Variants in SLC16A10 observed in about 807,000 individuals in gnomAD.
The protein encoded by SLC16A10 is monocarboxylate transporter 10.
A neutral mutation model predicts 40.0 loss-of-function variants in SLC16A10; 27 were observed. The observed-to-expected ratio is 0.67, with a 90% confidence interval of 0.50 to 0.93. The LOEUF is 0.93. SLC16A10 is among the 40% of genes least tolerant of loss of function. The probability of loss-of-function intolerance (pLI) is 0.00; values close to 1 mark genes in which losing one functional copy is unlikely to be tolerated. For missense variants in SLC16A10, 529 were observed against 658.2 expected, an observed-to-expected ratio of 0.80 and a Z score of 2.15; for synonymous variants, 213 against 249.8, an observed-to-expected ratio of 0.85 and a Z score of 1.39.
Position 111,204,085 on chromosome 6 carries a change from T to A in SLC16A10, c.943-2507T>A, listed in dbSNP as rs554146311. On this transcript the variant is annotated intron_variant, in intron 3 of 5. Transcript: ENST00000368851. The stretch of plus-strand genomic sequence containing the variant: ...GGAACATAGGTTAGAGGGGAGAGAT[T>A]TAGGAGTGAGGGCTCAAGCAAGAAG... Among the ~76,000 whole-genome samples, 8 of 152,096 alleles carry A rather than the reference T, an allele frequency of 5.3e-5. No individual in the cohort carries two copies. The South Asian group carries it at 1.2e-3, about 24-fold the overall frequency.
At chr6:111,221,260 G>A (rs977314854) in intron 5 of SLC16A10, among the ~76,000 whole-genome samples, 1 of 152,094 alleles carries the variant, frequency 6.6e-6, no homozygotes, top group African/African-American at 2.4e-5. Context: ...AGCAGAACCC[G>A]AATATAGAAT....
intron 3 of SLC16A10, among the ~76,000 whole-genome samples, chr6:111,182,084 C>T (rs1216018): frequency 0.7 from 106,808 of 151,756 alleles, 37,633 homozygotes; most frequent in South Asian, 0.76. Flanking sequence ...CTGCAACCTC[C>T]ACTTCCCGGA....
intron 1 of SLC16A10, among the ~76,000 whole-genome samples, chr6:111,118,011 T>C (rs1157853896): frequency 6.6e-6 from 1 of 152,204 alleles, no homozygotes; most frequent in African/African-American, 2.4e-5. Flanking sequence ...GTCATTATCA[T>C]GTTAAGTTAT....
intron 1 of SLC16A10, among the ~76,000 whole-genome samples, chr6:111,127,544 A>AG (rs1390125190): frequency 6.6e-6 from 1 of 152,186 alleles, no homozygotes; most frequent in African/African-American, 2.4e-5. Context: ...GCGCTAGGCC[A>AG]GGTACTGTGA....
intron 1 of SLC16A10, among the ~76,000 whole-genome samples, chr6:111,117,251 C>T (rs899572432): frequency 6.7e-6 from 1 of 148,606 alleles, no homozygotes; most frequent in African/African-American, 2.5e-5. Flanking sequence ...ACTTGGGAGG[C>T]TGAGGCAGGA....
At chr6:111,162,899 C>T (rs925027635) in intron 1 of SLC16A10, among the ~76,000 whole-genome samples, 6 of 152,006 alleles carry the variant, frequency 3.9e-5, no homozygotes, top group Admixed American at 3.9e-4. Flanking sequence ...TATTCATGAA[C>T]ATTTCAGCTC....
At chr6:111,091,443 C>T (rs1770973440) in intron 1 of SLC16A10, 1 of 152,170 alleles carries the variant, frequency 6.6e-6, no homozygotes, top group Admixed American at 6.5e-5. Flanking sequence ...GTTGAGTGCT[C>T]TACCATGCAT....
chr6:111,103,363 A>T (rs1433286567), intron 1 of SLC16A10, among the ~76,000 whole-genome samples: 1 of 152,048 alleles, frequency 6.6e-6, no homozygotes, highest in Non-Finnish European at 1.5e-5. Flanking sequence ...GATTACAGAC[A>T]CACGCCACTA....
chr6:111,125,128 T>G (rs1265901474), intron 1 of SLC16A10, among the ~76,000 whole-genome samples: 2 of 152,248 alleles, frequency 1.3e-5, no homozygotes, highest in Non-Finnish European at 2.9e-5. Context: ...GTGTTTATTT[T>G]TGTTTCCGAA....
At position 111,105,681 on chromosome 6, in the gene SLC16A10, T is replaced by C. The variant is rs571779922; in HGVS notation, c.343+17586T>C. ...GAGTGTCAAAGTACTTTTCAATGCA[T>C]AAAGCACTACAGATCTGTCCACACT... On this transcript the variant is annotated intron_variant, in intron 1 of 5. Coordinates refer to ENST00000368851, the MANE Select transcript of SLC16A10 (RefSeq NM_018593.5). Among the ~76,000 whole-genome samples the C allele has an allele frequency of 2.0e-5, 3 of 152,208 alleles. 1 individual carries two copies. The highest frequency in any genetic ancestry group is 2.9e-5 in the Non-Finnish European group (2 of 68,020).
Position 111,221,577 on chromosome 6 carries a change from C to T in SLC16A10, c.1316-426C>T, listed in dbSNP as rs185877999. ...CCTGGGTAATGTGACAAAACCCCAT[C>T]TCTACAAAAAATATAAAAATTAGCC... On this transcript the variant is annotated intron_variant, in intron 5 of 5. Transcript: ENST00000368851. Among the ~76,000 whole-genome samples, 8 of 151,996 alleles carry T rather than the reference C, an allele frequency of 5.3e-5. No homozygotes were observed. In the East Asian group the frequency reaches 1.5e-3, roughly 29 times the overall value.
chr6:111,204,127 T>C (rs1019070187), intron 3 of SLC16A10, among the ~76,000 whole-genome samples: 1 of 152,122 alleles, frequency 6.6e-6, no homozygotes, highest in East Asian at 1.9e-4. Flanking sequence ...AGAAGACTGC[T>C]GTAGTGGTCC....
At chr6:111,152,712 A>C (rs1772194071) in intron 1 of SLC16A10, among the ~76,000 whole-genome samples, 1 of 152,196 alleles carries the variant, frequency 6.6e-6, no homozygotes, top group Non-Finnish European at 1.5e-5. Flanking sequence ...TGTTGGAGTA[A>C]GAGAGGAATG....
chr6:111,192,887 C>G (rs1272259232), intron 3 of SLC16A10, among the ~76,000 whole-genome samples: 1 of 152,098 alleles, frequency 6.6e-6, no homozygotes, highest in Non-Finnish European at 1.5e-5. Context: ...CAGGTCCCTC[C>G]TAGGACACAT....
intron 1 of SLC16A10, among the ~76,000 whole-genome samples, chr6:111,122,642 C>G (rs1771604477): frequency 6.6e-6 from 1 of 152,190 alleles, no homozygotes; most frequent in Non-Finnish European, 1.5e-5. Context: ...GCTCAGCTTC[C>G]TGCTTCCTCA....
chr6:111,139,092 C>CTTCTTTTTTTTTTTTT (rs202229156), intron 1 of SLC16A10, among the ~76,000 whole-genome samples: 1 of 118,896 alleles, frequency 8.4e-6, no homozygotes. Flanking sequence ...TCTTCTTCTT[C>CTTCTTTTTTTTTTTTT]TTTTTTTTTT....
Position 111,208,013 on chromosome 6 carries a change from G to A in SLC16A10, c.1086+1278G>A, listed in dbSNP as rs1773283193. The stretch of plus-strand genomic sequence containing the variant: ...AGGCAAGGTGTCACTCCGTTTCCCA[G>A]GCTGGAGTACAGTGGTGCCATCACA... On this transcript the variant is annotated intron_variant, in intron 4 of 5. Coordinates refer to ENST00000368851, the MANE Select transcript of SLC16A10 (RefSeq NM_018593.5). 5.3e-5 allele frequency among the ~76,000 whole-genome samples: 8 copies of A among 152,128 alleles called. 1 individual carries two copies. The highest frequency in any genetic ancestry group is 5.2e-4 in the Admixed American group (8 of 15,284).
Position 111,165,219 on chromosome 6 carries a change from A to G in SLC16A10, c.344-7476A>G, listed in dbSNP as rs1026492018. Among the ~76,000 whole-genome samples, 3 of 152,096 alleles carry G rather than the reference A, an allele frequency of 2.0e-5. No individual in the cohort carries two copies. The South Asian group carries it at 6.2e-4, about 32-fold the overall frequency. On this transcript the variant is annotated intron_variant, in intron 1 of 5. Transcript: ENST00000368851. Reference sequence around the variant, plus strand: ...AAGACAAAAACAGATTTTGAGAGGGATTTATCTGCTTTTAATTCTTTGGGT... The same window carrying G: ...AAGACAAAAACAGATTTTGAGAGGGGTTTATCTGCTTTTAATTCTTTGGGT...
chr6:111,170,959 G>A (rs759884055), intron 1 of SLC16A10, among the ~76,000 whole-genome samples: 5 of 151,742 alleles, frequency 3.3e-5, no homozygotes, highest in South Asian at 2.1e-4. Flanking sequence ...GCAACATGGC[G>A]AAACCTTGTC....
Sources: allele counts gnomAD v4.1 joint callset (sites outside exome capture counted in the v4.1 genomes callset), GRCh38; gene constraint gnomAD v4.1.1; transcripts MANE v1.5; gene names NCBI Gene and HGNC (gene_info 2026-07-23, HGNC 2026-07-21).